The following LRRTM4 variants were observed in gnomAD, a reference collection of about 807,000 sequenced individuals.
LRRTM4 encodes the protein leucine rich repeat transmembrane neuronal 4.
In LRRTM4, 25 loss-of-function variants were observed where a neutral mutation model predicts 47.6. That is an observed-to-expected ratio of 0.53 (90% confidence interval 0.38 to 0.73). The LOEUF (loss-of-function observed/expected upper bound fraction) is 0.73. Ranked by LOEUF, LRRTM4 falls within the 30% of genes least tolerant of loss-of-function variation. The pLI, the probability that LRRTM4 is intolerant of heterozygous loss-of-function variation, is 0.00. For synonymous variants in LRRTM4, 311 were observed against 269.5 expected (o/e 1.15, Z -1.51); for missense variants, 638 against 713.4 (o/e 0.89, Z 1.20).
At chr2:76,782,993 T>C (rs1333829509) in intron 3 of LRRTM4, among the ~76,000 whole-genome samples, 2 of 152,176 alleles carry the variant, frequency 1.3e-5, no homozygotes, top group Non-Finnish European at 2.9e-5. Context: ...TTTTAATCTT[T>C]ATTCTTGTTC....
intron 3 of LRRTM4, among the ~76,000 whole-genome samples, chr2:76,964,551 T>C (rs1295278150): frequency 6.6e-6 from 1 of 150,896 alleles, no homozygotes; most frequent in Admixed American, 6.6e-5. Flanking sequence ...GTACTCCCTG[T>C]CATATATTCA....
intron 3 of LRRTM4, among the ~76,000 whole-genome samples, chr2:77,040,562 CA>C (rs1413778874): frequency 6.6e-6 from 1 of 151,338 alleles, no homozygotes; most frequent in African/African-American, 2.4e-5. Flanking sequence ...CTCAGTAGAG[CA>C]AAATACTGTG....
chr2:76,889,480 C>G (rs1008253297), intron 3 of LRRTM4, among the ~76,000 whole-genome samples: 2 of 151,872 alleles, frequency 1.3e-5, no homozygotes, highest in Non-Finnish European at 1.5e-5. Context: ...AATATTTTCA[C>G]AACTCTTCAA....
chr2:77,100,377 CTGA>C (rs1670921564), intron 3 of LRRTM4, among the ~76,000 whole-genome samples: 1 of 152,202 alleles, frequency 6.6e-6, no homozygotes, highest in Non-Finnish European at 1.5e-5. Flanking sequence ...AATAGCATCA[CTGA>C]TGAAGTGTTC....
intron 3 of LRRTM4, among the ~76,000 whole-genome samples, chr2:77,150,607 A>G (rs76727515): frequency 6.6e-6 from 1 of 152,184 alleles, no homozygotes; most frequent in East Asian, 1.9e-4. Flanking sequence ...TAAGACATAT[A>G]TGATATATAT....
At chr2:76,999,154 T>C (rs1573428515) in intron 3 of LRRTM4, among the ~76,000 whole-genome samples, 1 of 151,914 alleles carries the variant, frequency 6.6e-6, no homozygotes, top group Non-Finnish European at 1.5e-5. Flanking sequence ...AGCACTGAAA[T>C]TGATTATAAT....
Position 76,939,694 on chromosome 2 carries a change from T to C in LRRTM4, c.1552-190778A>G, listed in dbSNP as rs367775515. 3.8e-3 allele frequency among the ~76,000 whole-genome samples: 575 copies of C among 152,252 alleles called. 6 individuals carry two copies. Among genetic ancestry groups the C allele is most frequent in the African/African-American group, 0.013 (548 of 41,552 alleles). On this transcript the variant is annotated intron_variant, in intron 3 of 3. Coordinates refer to ENST00000409884, the MANE Select transcript of LRRTM4 (RefSeq NM_001134745.3). ...CATCTGACCCCAAATTAGCAGAATA[T>C]TGTCCAAAATTATTACAGGTATTTA... is the stretch of plus-strand genomic sequence containing the variant.
intron 3 of LRRTM4, among the ~76,000 whole-genome samples, chr2:77,048,527 A>G (rs969761629): frequency 6.6e-6 from 1 of 152,058 alleles, no homozygotes; most frequent in East Asian, 1.9e-4. Context: ...CATGCTGGAA[A>G]AGAGTTCTAA....
intron 3 of LRRTM4, among the ~76,000 whole-genome samples, chr2:77,361,321 T>C (rs1049492485): frequency 4.6e-5 from 7 of 152,058 alleles, no homozygotes; most frequent in African/African-American, 1.7e-4. Flanking sequence ...CATTATTCCA[T>C]TCTTCCTTCT....
At chr2:77,232,241 TTCACA>T (rs1228554425) in intron 3 of LRRTM4, among the ~76,000 whole-genome samples, 1 of 152,220 alleles carries the variant, frequency 6.6e-6, no homozygotes, top group African/African-American at 2.4e-5. Flanking sequence ...GACCTTCCTC[TTCACA>T]TATTTTCCCA....
At chr2:77,122,482 A>G (rs971318060) in intron 3 of LRRTM4, among the ~76,000 whole-genome samples, 1 of 149,832 alleles carries the variant, frequency 6.7e-6, no homozygotes, top group Non-Finnish European at 1.5e-5. Context: ...ACACACATAA[A>G]TACTATATAT....
chr2:76,775,689 G>A (rs558757517), intron 3 of LRRTM4, among the ~76,000 whole-genome samples: 2 of 152,224 alleles, frequency 1.3e-5, no homozygotes, highest in African/African-American at 2.4e-5. Context: ...ACATTTGCAC[G>A]AAACAGTGGA....
chr2:77,318,270 T>C (rs1282330777), intron 3 of LRRTM4, among the ~76,000 whole-genome samples: 14 of 152,190 alleles, frequency 9.2e-5, no homozygotes. Context: ...CCTCCCAAAG[T>C]GTTGGGATTA....
At chr2:76,825,118 G>T (rs956507065) in intron 3 of LRRTM4, among the ~76,000 whole-genome samples, 2 of 151,588 alleles carry the variant, frequency 1.3e-5, no homozygotes, top group African/African-American at 4.8e-5. Flanking sequence ...TAGATAAGGG[G>T]TAAAATATTT....
intron 3 of LRRTM4, among the ~76,000 whole-genome samples, chr2:76,784,777 C>G (rs543201201): frequency 6.7e-6 from 1 of 150,180 alleles, no homozygotes; most frequent in African/African-American, 2.4e-5. Context: ...AGATTGAATT[C>G]TTTTTGTATG....
intron 3 of LRRTM4, among the ~76,000 whole-genome samples, chr2:77,274,508 T>C (rs1363670901): frequency 6.6e-6 from 1 of 152,146 alleles, no homozygotes; most frequent in Non-Finnish European, 1.5e-5. Context: ...AAAATAATAA[T>C]CCTGTGGCTT....
intron 3 of LRRTM4, among the ~76,000 whole-genome samples, chr2:76,794,468 C>G (rs2103731060): frequency 6.6e-6 from 1 of 152,170 alleles, no homozygotes; most frequent in East Asian, 1.9e-4. Flanking sequence ...ATAGTTTTTT[C>G]TTTCTTTCAA....
chr2:77,137,316 T>A (rs1261498916), intron 3 of LRRTM4, among the ~76,000 whole-genome samples: 1 of 151,870 alleles, frequency 6.6e-6, no homozygotes, highest in Non-Finnish European at 1.5e-5. Context: ...TGGGGGCCAA[T>A]ATTCAGCATT....
At chr2:77,182,530 A>T (rs372421701) in intron 3 of LRRTM4, among the ~76,000 whole-genome samples, 63 of 152,268 alleles carry the variant, frequency 4.1e-4, no homozygotes, top group African/African-American at 1.3e-3. Context: ...CTGCACATGT[A>T]TCCTGGAACT....
Sources: allele counts gnomAD v4.1 joint callset (sites outside exome capture counted in the v4.1 genomes callset), GRCh38; gene constraint gnomAD v4.1.1; transcripts MANE v1.5; gene names NCBI Gene and HGNC (gene_info 2026-07-23, HGNC 2026-07-21).